Variants in KALRN observed in about 807,000 individuals in gnomAD.
KALRN encodes the protein kalirin.
Under a neutral mutation model 353.7 loss-of-function variants are expected in KALRN, and 70 were observed. The observed-to-expected ratio is 0.20, with a 90% CI of 0.16 to 0.24. The LOEUF is 0.24. Among genes scored for constraint, KALRN ranks in the 10% least tolerant of loss-of-function variants. KALRN has a pLI of 1.00. For missense variants in KALRN, 2,791 were observed against 3,756.7 expected (o/e 0.74, Z 6.72); for synonymous variants, 1,391 against 1,434.8 (o/e 0.97, Z 0.69).
intron 21 of KALRN, 145 bp downstream of exon 21, chr3:124,447,030 G>T: frequency 2.1e-6 from 2 of 945,482 alleles, no homozygotes; most frequent in Non-Finnish European, 1.6e-6. Context: ...TGTCCTAAAG[G>T]ATTGTCTCTT....
chr3:124,218,059 G>T (rs983525191), intron 1 of KALRN, among the ~76,000 whole-genome samples: 2 of 152,160 alleles, frequency 1.3e-5, no homozygotes, highest in Admixed American at 6.5e-5. Flanking sequence ...CTGCCTGTGA[G>T]GGTCCTCTGC....
intron 18 of KALRN, 69 bp downstream of exon 18, chr3:124,439,106 C>A: frequency 1.4e-6 from 2 of 1,471,058 alleles, no homozygotes; most frequent in Non-Finnish European, 1.9e-6. Flanking sequence ...CATCCTCTTT[C>A]TCTTTCTCTT....
At chr3:124,387,333 G>C (rs747821905) in intron 11 of KALRN, among the ~76,000 whole-genome samples, 1 of 152,202 alleles carries the variant, frequency 6.6e-6, no homozygotes, top group Non-Finnish European at 1.5e-5. Context: ...GTGATACAGG[G>C]GGCAGGTGAA....
intron 27 of KALRN, among the ~76,000 whole-genome samples, chr3:124,479,420 C>T (rs1217720792): frequency 2.0e-5 from 3 of 152,164 alleles, no homozygotes; most frequent in Non-Finnish European, 2.9e-5. Flanking sequence ...ATAATCTTTG[C>T]AGCTTATTTT....
In KALRN at chr3:124,372,324, C is replaced by G. The variant is rs143246527; in HGVS notation, c.1771-12521C>G. Among the ~76,000 whole-genome samples, 959 of 152,186 alleles carry G rather than the reference C, an allele frequency of 6.3e-3. 4 individuals are homozygous for G. Among genetic ancestry groups the G allele is most frequent in the African/African-American group, 0.022 (905 of 41,554 alleles). ...AAATAGTGGAAAAGAAAATTTATCT[C>G]TATCACTGAGACATAATCATTATTA... On this transcript the variant is annotated intron_variant, in intron 10 of 59. Transcript: ENST00000682506.
At chr3:124,273,200 G>T (rs2074350563) in intron 5 of KALRN, among the ~76,000 whole-genome samples, 1 of 152,218 alleles carries the variant, frequency 6.6e-6, no homozygotes, top group Non-Finnish European at 1.5e-5. Flanking sequence ...GACACCTGTG[G>T]TGAGCCCCCA....
chr3:124,212,732 T>C (rs1056347150), intron 1 of KALRN, among the ~76,000 whole-genome samples: 7 of 152,200 alleles, frequency 4.6e-5, no homozygotes, highest in Non-Finnish European at 2.9e-5. Context: ...CTAATGGGGT[T>C]ATAGGCAGGA....
chr3:124,612,272 C>T (rs1191893529), intron 34 of KALRN, among the ~76,000 whole-genome samples: 3 of 152,162 alleles, frequency 2.0e-5, no homozygotes, highest in Non-Finnish European at 4.4e-5. Flanking sequence ...GGCATGATCT[C>T]GGCTCACCAC....
intron 1 of KALRN, chr3:124,095,019 G>C: frequency 2.0e-6 from 2 of 997,498 alleles, no homozygotes; most frequent in South Asian, 1.4e-5. Context: ...CAAGAAGAGA[G>C]AGAAGGAATG....
intron 23 of KALRN, among the ~76,000 whole-genome samples, chr3:124,458,777 T>A (rs1056101395): frequency 2.0e-5 from 3 of 151,138 alleles, no homozygotes; most frequent in African/African-American, 7.3e-5. Flanking sequence ...AAAAAAAAAA[T>A]ACAAAACTTA....
In KALRN at chr3:124,726,218, T is replaced by G. The variant is rs927858951; in HGVS notation, c.*6748T>G. The G allele has an allele frequency of 6.6e-6, 1 of 152,250 alleles. No homozygotes were observed. The highest frequency in any genetic ancestry group is 1.9e-4 in the East Asian group (1 of 5,204). The allele number at this position is 152,250 out of a possible 1,614,324, so 9.4% of individuals were successfully genotyped here. On this transcript the variant is annotated 3_prime_UTR_variant, in exon 60 of 60. Transcript: ENST00000682506. ...TGTGTAATGTTGTAAAGTGATGACC[T>G]GCTGTCTTGTTACTGCTACAGTAAA...
intron 5 of KALRN, among the ~76,000 whole-genome samples, chr3:124,274,508 A>G (rs983345904): frequency 3.9e-5 from 6 of 152,246 alleles, no homozygotes. Context: ...GCCTTGCCCA[A>G]AGCTATTCTG....
chr3:124,089,818 C>T (rs999993972), intron 1 of KALRN, among the ~76,000 whole-genome samples: 1 of 151,928 alleles, frequency 6.6e-6, no homozygotes, highest in Non-Finnish European at 1.5e-5. Flanking sequence ...CCTGTGAAGA[C>T]CTAGGGAAGG....
chr3:124,642,806 G>GTTTTTTTTTTTTTGTTGTTGTTTT (rs2082213566), intron 37 of KALRN, among the ~76,000 whole-genome samples: 3 of 96,840 alleles, frequency 3.1e-5, no homozygotes, highest in African/African-American at 1.3e-4. Context: ...CCCAAGCCTC[G>GTTTTTTTTTTTTTGTTGTTGTTTT]TTTTTTTTTT....
chr3:124,633,516 G>T (rs57367501), intron 35 of KALRN, among the ~76,000 whole-genome samples: 2 of 152,180 alleles, frequency 1.3e-5, no homozygotes, highest in East Asian at 1.9e-4. Flanking sequence ...GGCGGCATTT[G>T]GGCTATGGTT....
intron 5 of KALRN, among the ~76,000 whole-genome samples, chr3:124,284,328 C>G (rs2075633075): frequency 6.6e-6 from 1 of 152,202 alleles, no homozygotes; most frequent in African/African-American, 2.4e-5. Context: ...CCTACTATGG[C>G]TTCTTACAAT....
At chr3:124,289,970 C>A (rs143442099) in intron 5 of KALRN, among the ~76,000 whole-genome samples, 1 of 152,136 alleles carries the variant, frequency 6.6e-6, no homozygotes, top group African/African-American at 2.4e-5. Context: ...TTTAGATTGT[C>A]ACAATAGGCT....
intron 21 of KALRN, among the ~76,000 whole-genome samples, chr3:124,448,199 A>C (rs2093902579): frequency 6.6e-6 from 1 of 152,182 alleles, no homozygotes; most frequent in Non-Finnish European, 1.5e-5. Context: ...TACCTTTGTA[A>C]CTGTCTTCAT....
intron 45 of KALRN, among the ~76,000 whole-genome samples, chr3:124,664,334 A>AGTGTGTGTGT (rs750940277): frequency 4.7e-5 from 6 of 126,880 alleles, no homozygotes; most frequent in African/African-American, 1.7e-4. Flanking sequence ...TGTACATGTG[A>AGTGTGTGTGT]GTGTGTGTGT....
Sources: allele counts gnomAD v4.1 joint callset (sites outside exome capture counted in the v4.1 genomes callset), GRCh38; gene constraint gnomAD v4.1.1; transcripts MANE v1.5; gene names NCBI Gene and HGNC (gene_info 2026-07-23, HGNC 2026-07-21).